The following PDE4D variants were observed in gnomAD, a reference collection of about 807,000 sequenced individuals.
PDE4D encodes the protein 3',5'-cyclic-AMP phosphodiesterase 4D.
In PDE4D, 24 loss-of-function variants were observed where a neutral mutation model predicts 87.4. The ratio of observed to expected loss-of-function variants is 0.27; its 90% CI spans 0.20 to 0.39. The LOEUF (loss-of-function observed/expected upper bound fraction) is 0.39. PDE4D is among the 10% of genes least tolerant of loss of function. The pLI is 1.00. For synonymous variants in PDE4D, 384 were observed against 383.2 expected (o/e 1.00, Z -0.02); for missense variants, 714 against 1,041.0 (o/e 0.69, Z 4.32).
At chr5:59,611,201 G>A (rs1248583352) in intron 1 of PDE4D, among the ~76,000 whole-genome samples, 1 of 152,186 alleles carries the variant, frequency 6.6e-6, no homozygotes, top group Admixed American at 6.5e-5. Context: ...GATATCTGGT[G>A]ATGGTTTACT....
intron 2 of PDE4D, among the ~76,000 whole-genome samples, chr5:60,115,473 T>G (rs1476744248): frequency 6.6e-6 from 1 of 152,146 alleles, no homozygotes; most frequent in Non-Finnish European, 1.5e-5. Flanking sequence ...TAATTATTTT[T>G]AAAAAACTAG....
At chr5:60,210,522 T>G (rs754476322) in intron 1 of PDE4D, among the ~76,000 whole-genome samples, 3 of 152,120 alleles carry the variant, frequency 2.0e-5, no homozygotes, top group Non-Finnish European at 2.9e-5. Context: ...CGAATTAAAT[T>G]ATTCCAGACC....
chr5:59,317,882 C>A (rs1381125055), intron 1 of PDE4D, among the ~76,000 whole-genome samples: 1 of 152,150 alleles, frequency 6.6e-6, no homozygotes, highest in Admixed American at 6.5e-5. Context: ...TACTTTCAGG[C>A]CCTCTGTTAC....
intron 2 of PDE4D, among the ~76,000 whole-genome samples, chr5:60,130,449 T>C (rs1779468852): frequency 6.6e-6 from 1 of 152,196 alleles, no homozygotes; most frequent in African/African-American, 2.4e-5. Flanking sequence ...ACACATTTCC[T>C]TGACAGTCTT....
At chr5:59,468,953 C>G (rs781658637) in intron 1 of PDE4D, among the ~76,000 whole-genome samples, 7 of 152,214 alleles carry the variant, frequency 4.6e-5, no homozygotes, top group South Asian at 2.1e-4. Context: ...AACTATGAGG[C>G]CTCCTGCAAT....
chr5:59,824,643 G>A (rs1021125416), intron 1 of PDE4D, among the ~76,000 whole-genome samples: 1 of 152,170 alleles, frequency 6.6e-6, no homozygotes, highest in Non-Finnish European at 1.5e-5. Flanking sequence ...ATGACGACAA[G>A]TACTTATTTA....
intron 2 of PDE4D, among the ~76,000 whole-genome samples, chr5:59,212,912 G>A (rs1254038141): frequency 6.6e-6 from 1 of 151,682 alleles, no homozygotes; most frequent in South Asian, 2.1e-4. Context: ...TCTGCATAGT[G>A]GCTTTTTTAA....
intron 1 of PDE4D, among the ~76,000 whole-genome samples, chr5:59,771,465 GAAAGAAAGAAAGAA>G (rs1172914497): frequency 2.5e-4 from 18 of 73,114 alleles, no homozygotes; most frequent in South Asian, 4.5e-4. Flanking sequence ...AAGAAAGAAA[GAAAGAAAGAAAGAA>G]AGAAAGAGAG....
intron 5 of PDE4D, among the ~76,000 whole-genome samples, chr5:59,090,083 C>T (rs1009521606): frequency 2.0e-5 from 3 of 152,090 alleles, no homozygotes; most frequent in African/African-American, 7.2e-5. Context: ...AGTTTAAGAA[C>T]ATTAGCAATT....
intron 6 of PDE4D, among the ~76,000 whole-genome samples, chr5:58,997,000 C>G (rs1185523041): frequency 6.6e-6 from 1 of 152,108 alleles, no homozygotes; most frequent in Non-Finnish European, 1.5e-5. Flanking sequence ...CACCTCCCTA[C>G]CAAGGCTTAT....
At chr5:60,086,280 A>G (rs958140037) in intron 2 of PDE4D, among the ~76,000 whole-genome samples, 2 of 152,228 alleles carry the variant, frequency 1.3e-5, no homozygotes, top group African/African-American at 2.4e-5. Context: ...AATACTATTT[A>G]GGCTTTCTGA....
chr5:60,429,859 T>A (rs1583735173), intron 1 of PDE4D: 3 of 338,460 alleles, frequency 8.9e-6, no homozygotes, highest in South Asian at 2.4e-5. Flanking sequence ...TTTTTTTTTT[T>A]AAACAATTTT....
At chr5:59,768,698 G>T (rs1251266440) in intron 1 of PDE4D, 1 of 1,379,076 alleles carries the variant, frequency 7.3e-7, no homozygotes, top group African/African-American at 1.4e-5. Flanking sequence ...CCGCGGAAGC[G>T]TATTAAACGT....
intron 1 of PDE4D, among the ~76,000 whole-genome samples, chr5:59,221,110 C>A (rs1031627677): frequency 6.6e-6 from 1 of 152,138 alleles, no homozygotes; most frequent in African/African-American, 2.4e-5. Context: ...GAGGCATAGA[C>A]AAGTGACTCT....
intron 1 of PDE4D, among the ~76,000 whole-genome samples, chr5:59,577,540 C>T (rs966071912): frequency 3.3e-5 from 5 of 152,072 alleles, no homozygotes. Flanking sequence ...GTTAAGTCAA[C>T]CTTCTCATTT....
chr5:59,356,886 G>A, intron 1 of PDE4D: 1 of 1,512,678 alleles, frequency 6.6e-7, no homozygotes, highest in Non-Finnish European at 8.7e-7. Context: ...ACCACGAGAA[G>A]TCAGAGCTGG....
At chr5:59,947,456 A>G (rs1421867193) in intron 3 of PDE4D, among the ~76,000 whole-genome samples, 1 of 152,120 alleles carries the variant, frequency 6.6e-6, no homozygotes, top group Admixed American at 6.5e-5. Context: ...TACAGATTGT[A>G]AGTCTTACAT....
intron 1 of PDE4D, among the ~76,000 whole-genome samples, chr5:59,634,150 T>C (rs1412945005): frequency 6.6e-6 from 1 of 152,170 alleles, no homozygotes; most frequent in Non-Finnish European, 1.5e-5. Flanking sequence ...GGGCATTACA[T>C]ATTGGTAAAG....
intron 1 of PDE4D, among the ~76,000 whole-genome samples, chr5:60,444,119 G>T (rs537380106): frequency 6.6e-6 from 1 of 152,058 alleles, no homozygotes; most frequent in Non-Finnish European, 1.5e-5. Flanking sequence ...GGTGAAAAGC[G>T]CCTTCATTTA....
Sources: allele counts gnomAD v4.1 joint callset (sites outside exome capture counted in the v4.1 genomes callset), GRCh38; gene constraint gnomAD v4.1.1; transcripts MANE v1.5; gene names NCBI Gene and HGNC (gene_info 2026-07-23, HGNC 2026-07-21).